TMTC2: variants seen among roughly 807,000 people sequenced by gnomAD.
TMTC2 encodes transmembrane O-mannosyltransferase targeting cadherins 2, also known as protein O-mannosyl-transferase TMTC2.
TMTC2 carries 43 observed loss-of-function variants against 82.4 expected under a neutral mutation model. That is an observed-to-expected ratio of 0.52 (90% CI 0.41 to 0.67). TMTC2 has a LOEUF of 0.67. Among genes scored for constraint, TMTC2 ranks in the 30% least tolerant of loss-of-function variants. The pLI is 0.00. For synonymous variants in TMTC2, 408 were observed against 381.9 expected (o/e 1.07, Z -0.80); for missense variants, 919 against 1,012.4 (o/e 0.91, Z 1.25).
intron 1 of TMTC2, among the ~76,000 whole-genome samples, chr12:82,829,646 A>G (rs1869643717): frequency 1.3e-5 from 2 of 152,220 alleles, no homozygotes; most frequent in Admixed American, 6.5e-5. Flanking sequence ...TGATTAATCC[A>G]TATTACTGTA....
chr12:83,068,547 A>T (rs1276461952), intron 11 of TMTC2, among the ~76,000 whole-genome samples: 1 of 152,086 alleles, frequency 6.6e-6, no homozygotes, highest in Admixed American at 6.6e-5. Context: ...ATGTGGGAAT[A>T]CTACATACCA....
intron 1 of TMTC2, among the ~76,000 whole-genome samples, chr12:82,730,653 A>G (rs1451146007): frequency 6.6e-6 from 1 of 152,196 alleles, no homozygotes; most frequent in Admixed American, 6.5e-5. Context: ...CTAGTTTAAG[A>G]GTTAAGAGTG....
chr12:82,842,894 C>T (rs1272515747), intron 1 of TMTC2, among the ~76,000 whole-genome samples: 2 of 152,128 alleles, frequency 1.3e-5, no homozygotes, highest in African/African-American at 4.8e-5. Flanking sequence ...TTTAACTTAA[C>T]CACCTCTTTA....
At chr12:82,687,767 A>C in intron 1 of TMTC2, 98 bp downstream of exon 1, 1 of 1,205,476 alleles carries the variant, frequency 8.3e-7, no homozygotes, top group Non-Finnish European at 1.2e-6. Flanking sequence ...GTCTTGGAGG[A>C]ACTGGTTCAG....
chr12:83,026,533 G>A (rs190264077), intron 8 of TMTC2, among the ~76,000 whole-genome samples: 1 of 152,236 alleles, frequency 6.6e-6, no homozygotes, highest in Non-Finnish European at 1.5e-5. Flanking sequence ...ACACACTACA[G>A]AGTTGGGTAG....
At chr12:83,053,751 A>G (rs1882437493) in intron 10 of TMTC2, among the ~76,000 whole-genome samples, 1 of 152,102 alleles carries the variant, frequency 6.6e-6, no homozygotes, top group African/African-American at 2.4e-5. Context: ...TTTGAAATAT[A>G]TTATTCAATT....
chr12:82,762,446 C>T (rs1439534346), intron 1 of TMTC2, among the ~76,000 whole-genome samples: 1 of 152,186 alleles, frequency 6.6e-6, no homozygotes, highest in African/African-American at 2.4e-5. Flanking sequence ...GCCAGCCTTG[C>T]CACCAAACAA....
chr12:83,063,790 A>G (rs1882822669), intron 11 of TMTC2, among the ~76,000 whole-genome samples: 1 of 151,936 alleles, frequency 6.6e-6, no homozygotes, highest in Non-Finnish European at 1.5e-5. Context: ...CAAAATGGTT[A>G]GGAGCTACAA....
intron 1 of TMTC2, among the ~76,000 whole-genome samples, chr12:82,831,855 G>GA (rs1439401929): frequency 6.6e-6 from 1 of 152,152 alleles, no homozygotes; most frequent in Non-Finnish European, 1.5e-5. Context: ...AAAGACTACA[G>GA]AAAAATCACC....
At chr12:82,944,865 G>A (rs2137268356) in intron 4 of TMTC2, among the ~76,000 whole-genome samples, 1 of 152,292 alleles carries the variant, frequency 6.6e-6, no homozygotes, top group East Asian at 1.9e-4. Flanking sequence ...CAAAACTACA[G>A]GGTATCATTC....
rs554272722 is a variant in TMTC2, at chr12:82,899,892, A to C, written c.1483+3246A>C. Among the ~76,000 whole-genome samples, 21 of 142,250 alleles carry C rather than the reference A, an allele frequency of 1.5e-4. No individual in the cohort carries two copies. The East Asian group carries it at 3.7e-3, about 25-fold the overall frequency. 93.3% of individuals were successfully genotyped at this position (142,250 alleles called of 152,430 possible). A position where few individuals can be genotyped will look rare whatever the true frequency, so the allele number is the denominator to read the frequency against. On this transcript the variant is annotated intron_variant, in intron 3 of 11. Coordinates refer to ENST00000321196, the MANE Select transcript of TMTC2 (RefSeq NM_152588.3). ...ATATATACATATCCGGAATATAGAT[A>C]TGTAGGAATGTATATACATATCCGG...
intron 10 of TMTC2, among the ~76,000 whole-genome samples, 176 bp downstream of exon 10, chr12:83,051,194 C>G (rs978274795): frequency 1.3e-5 from 2 of 152,142 alleles, no homozygotes; most frequent in Non-Finnish European, 2.9e-5. Context: ...CTTATCCAGC[C>G]GGTGGCCCAC....
chr12:83,033,712 C>T (rs1224836570), intron 9 of TMTC2, among the ~76,000 whole-genome samples: 2 of 151,722 alleles, frequency 1.3e-5, no homozygotes, highest in Non-Finnish European at 2.9e-5. Flanking sequence ...GATCGCACCA[C>T]TGCACTCCAG....
At chr12:82,913,627 T>C (rs1012918813) in intron 3 of TMTC2, among the ~76,000 whole-genome samples, 2 of 152,234 alleles carry the variant, frequency 1.3e-5, no homozygotes, top group Non-Finnish European at 2.9e-5. Context: ...TTTTGACATA[T>C]TTCCTGATTT....
intron 1 of TMTC2, among the ~76,000 whole-genome samples, chr12:82,732,059 GGC>G (rs1253005957): frequency 6.6e-6 from 1 of 152,090 alleles, no homozygotes; most frequent in Non-Finnish European, 1.5e-5. Flanking sequence ...TCTAGATTTT[GGC>G]TAACATTTTT....
At chr12:83,092,437 A>T (rs1016286095) in intron 11 of TMTC2, among the ~76,000 whole-genome samples, 1 of 152,204 alleles carries the variant, frequency 6.6e-6, no homozygotes, top group Admixed American at 6.5e-5. Context: ...GAAGGTACAC[A>T]TATCCATTCA....
chr12:82,834,572 A>G (rs1869927187), intron 1 of TMTC2, among the ~76,000 whole-genome samples: 1 of 152,190 alleles, frequency 6.6e-6, no homozygotes, highest in African/African-American at 2.4e-5. Context: ...AATTTTAGTT[A>G]TTTAAAGACA....
chr12:83,114,767 C>A (rs1488450304), intron 11 of TMTC2, among the ~76,000 whole-genome samples: 3 of 151,844 alleles, frequency 2.0e-5, no homozygotes, highest in East Asian at 1.9e-4. Flanking sequence ...GAGTCTTTAC[C>A]CCAGTATGTC....
intron 1 of TMTC2, among the ~76,000 whole-genome samples, chr12:82,729,902 C>T (rs990614978): frequency 2.6e-5 from 4 of 151,952 alleles, no homozygotes; most frequent in East Asian, 1.9e-4. Context: ...AGCAAGACCA[C>T]GAACCCACTG....
Sources: allele counts gnomAD v4.1 joint callset (sites outside exome capture counted in the v4.1 genomes callset), GRCh38; gene constraint gnomAD v4.1.1; transcripts MANE v1.5; gene names NCBI Gene and HGNC (gene_info 2026-07-23, HGNC 2026-07-21).